The following CCSER1 variants were observed in gnomAD, a reference collection of about 807,000 sequenced individuals.
The protein encoded by CCSER1 is serine-rich coiled-coil domain-containing protein 1.
In CCSER1, 41 loss-of-function variants were observed where a neutral mutation model predicts 82.0. That is an observed-to-expected ratio of 0.50 (90% CI 0.39 to 0.65). CCSER1 has a LOEUF of 0.65. Ranked by LOEUF, CCSER1 falls within the 30% of genes least tolerant of loss-of-function variation. CCSER1 has a pLI of 0.00. For synonymous variants in CCSER1, 414 were observed against 383.9 expected, an observed-to-expected ratio of 1.08 and a Z score of -0.92; for missense variants, 1,119 against 1,064.2, an observed-to-expected ratio of 1.05 and a Z score of -0.72.
intron 5 of CCSER1, among the ~76,000 whole-genome samples, chr4:90,551,706 CTATATATA>C (rs1553940962): frequency 1.1e-4 from 11 of 104,230 alleles, no homozygotes; most frequent in South Asian, 4.0e-4. Context: ...CTCTCTCTCT[CTATATATA>C]TATATATATA....
intron 10 of CCSER1, among the ~76,000 whole-genome samples, chr4:91,179,149 T>C (rs1381572609): frequency 6.6e-6 from 1 of 152,216 alleles, no homozygotes; most frequent in Non-Finnish European, 1.5e-5. Flanking sequence ...TCTGGCTTTA[T>C]AGAGTTTCTG....
At chr4:90,871,391 A>C (rs1361721239) in intron 8 of CCSER1, among the ~76,000 whole-genome samples, 2 of 151,808 alleles carry the variant, frequency 1.3e-5, no homozygotes, top group Non-Finnish European at 3.0e-5. Context: ...TGTTTCAAGA[A>C]ATTTTAAAAT....
At chr4:90,407,864 T>C (rs1193931090) in intron 4 of CCSER1, among the ~76,000 whole-genome samples, 1 of 151,592 alleles carries the variant, frequency 6.6e-6, no homozygotes, top group African/African-American at 2.4e-5. Context: ...GTGCAAGGGG[T>C]CAGGGAATTC....
At chr4:90,136,462 AGTT>A (rs1222247629) in intron 1 of CCSER1, among the ~76,000 whole-genome samples, 2 of 152,194 alleles carry the variant, frequency 1.3e-5, no homozygotes, top group Admixed American at 6.6e-5. Context: ...ATTCAGACTA[AGTT>A]GTTGTATTTA....
At chr4:90,158,145 A>G (rs1172015111) in intron 1 of CCSER1, among the ~76,000 whole-genome samples, 1 of 151,516 alleles carries the variant, frequency 6.6e-6, no homozygotes, top group African/African-American at 2.4e-5. Context: ...TCCACTCCAG[A>G]CCCTGTTTGC....
At chr4:90,650,592 A>G (rs1007015858) in intron 6 of CCSER1, among the ~76,000 whole-genome samples, 3 of 152,184 alleles carry the variant, frequency 2.0e-5, no homozygotes, top group East Asian at 3.9e-4. Context: ...TCAACAGCTA[A>G]TATCTACTCT....
intron 3 of CCSER1, chr4:90,325,491 A>G (rs1738005447): frequency 5.2e-6 from 1 of 193,870 alleles, no homozygotes; most frequent in African/African-American, 2.3e-5. Context: ...AGTTAAGTTT[A>G]TCTCTTAATT....
chr4:91,566,648 T>A (rs1307754839), intron 10 of CCSER1, among the ~76,000 whole-genome samples: 1 of 150,728 alleles, frequency 6.6e-6, no homozygotes. Flanking sequence ...TTTATCCATC[T>A]CTTCTAGATT....
At chr4:90,154,002 A>AT (rs1019961568) in intron 1 of CCSER1, among the ~76,000 whole-genome samples, 211 of 152,172 alleles carry the variant, frequency 1.4e-3, no homozygotes, top group African/African-American at 4.8e-3. Context: ...AGGGTTTTTA[A>AT]GGTTTTAGGT....
intron 10 of CCSER1, among the ~76,000 whole-genome samples, chr4:91,588,532 C>G (rs534452012): frequency 6.6e-6 from 1 of 151,514 alleles, no homozygotes; most frequent in East Asian, 1.9e-4. Flanking sequence ...CTTATTTATA[C>G]TATGTGAAAG....
intron 10 of CCSER1, among the ~76,000 whole-genome samples, chr4:91,247,224 C>T (rs565649023): frequency 6.6e-6 from 1 of 151,400 alleles, no homozygotes; most frequent in African/African-American, 2.4e-5. Context: ...ATGGCATGAA[C>T]CCGGGAGGCG....
intron 10 of CCSER1, among the ~76,000 whole-genome samples, chr4:91,497,937 G>A (rs918803624): frequency 2.0e-5 from 3 of 151,904 alleles, no homozygotes; most frequent in African/African-American, 4.8e-5. Context: ...GGTAATTTAA[G>A]TATTGAGCAT....
At chr4:90,490,078 ATC>A (rs1767738514) in intron 5 of CCSER1, among the ~76,000 whole-genome samples, 2 of 152,162 alleles carry the variant, frequency 1.3e-5, no homozygotes, top group African/African-American at 4.8e-5. Flanking sequence ...CTAGTTCGAT[ATC>A]CCTGAGGAAT....
intron 6 of CCSER1, among the ~76,000 whole-genome samples, chr4:90,694,266 A>G (rs559263776): frequency 2.0e-5 from 3 of 152,108 alleles, no homozygotes; most frequent in Admixed American, 6.6e-5. Context: ...ACTACTTTAT[A>G]TATTTTAATA....
intron 6 of CCSER1, among the ~76,000 whole-genome samples, chr4:90,690,739 AT>A (rs543983241): frequency 1.3e-5 from 2 of 151,946 alleles, no homozygotes; most frequent in African/African-American, 2.4e-5. Context: ...TGCCTCCTTA[AT>A]TTTTTTTATG....
At position 91,604,279 on chromosome 4, in the gene CCSER1, G is replaced by A. The variant is rs1312117803; in HGVS notation, c.*5222G>A. 2.0e-5 allele frequency: 3 copies of A among 152,062 alleles called. No individual in the cohort carries two copies. The highest frequency in any genetic ancestry group is 7.2e-5 in the African/African-American group (3 of 41,430). The allele number at this position is 152,062 out of a possible 1,614,324, so 9.4% of individuals were successfully genotyped here. On this transcript the variant is annotated 3_prime_UTR_variant, in exon 11 of 11. Transcript: ENST00000509176. ...GGCAGAGTGATTTAAACAAACATGT[G>A]CTGCTTCAATCTCCTTTACTCCTAA...
At chr4:90,962,705 T>G (rs1436090595) in intron 9 of CCSER1, among the ~76,000 whole-genome samples, 1 of 152,130 alleles carries the variant, frequency 6.6e-6, no homozygotes, top group East Asian at 1.9e-4. Context: ...TGACAGAATA[T>G]TTACTAATGG....
chr4:90,610,382 C>T (rs73833728), intron 5 of CCSER1, among the ~76,000 whole-genome samples: 6,145 of 152,188 alleles, frequency 0.04, 410 homozygotes, highest in African/African-American at 0.14. Flanking sequence ...CTGCCCTTCT[C>T]GAGTCATGCC....
intron 6 of CCSER1, among the ~76,000 whole-genome samples, chr4:90,720,165 A>G (rs1189585089): frequency 6.6e-6 from 1 of 151,804 alleles, no homozygotes; most frequent in African/African-American, 2.4e-5. Flanking sequence ...TTGTTTTTTG[A>G]GTACTTCCTT....
Sources: gnomAD v4.1 joint callset for allele counts (sites outside exome capture counted in the v4.1 genomes callset) on GRCh38, gnomAD v4.1.1 for gene constraint, MANE v1.5 for transcripts, NCBI Gene and HGNC (gene_info 2026-07-23, HGNC 2026-07-21) for gene names.